The following SYNPR variants were observed in gnomAD, a reference collection of about 807,000 sequenced individuals.
The protein encoded by SYNPR is synaptoporin.
Under a neutral mutation model 32.9 loss-of-function variants are expected in SYNPR, and 23 were observed. That is an observed-to-expected ratio of 0.70 (90% CI 0.50 to 0.99). The LOEUF (loss-of-function observed/expected upper bound fraction) is 0.99, where lower values mean the gene tolerates loss of function less well. SYNPR is among the 50% of genes least tolerant of loss of function. The pLI is 0.00. For synonymous variants in SYNPR, 146 were observed against 135.9 expected (o/e 1.07, Z -0.52); for missense variants, 318 against 349.3 (o/e 0.91, Z 0.71).
intron 4 of SYNPR, among the ~76,000 whole-genome samples, chr3:63,595,751 A>T (rs1334355987): frequency 2.3e-4 from 10 of 43,386 alleles, no homozygotes; most frequent in African/African-American, 9.2e-4. Context: ...ATATATATAT[A>T]TATATATATA....
At chr3:63,473,865 A>G (rs1331928552) in intron 2 of SYNPR, among the ~76,000 whole-genome samples, 1 of 152,216 alleles carries the variant, frequency 6.6e-6, no homozygotes, top group Non-Finnish European at 1.5e-5. Context: ...TTAGGGAAAT[A>G]TGACTCCTTT....
At chr3:63,431,391 A>T (rs764030767) in intron 2 of SYNPR, among the ~76,000 whole-genome samples, 21 of 152,210 alleles carry the variant, frequency 1.4e-4, no homozygotes, top group Admixed American at 4.6e-4. Flanking sequence ...AGATCTCATT[A>T]TTTAGATTAG....
intron 2 of SYNPR, among the ~76,000 whole-genome samples, chr3:63,264,962 C>A (rs1428549373): frequency 1.3e-5 from 2 of 151,972 alleles, no homozygotes; most frequent in Non-Finnish European, 2.9e-5. Context: ...CACCTGGTCC[C>A]GCCCTTGACA....
intron 2 of SYNPR, among the ~76,000 whole-genome samples, chr3:63,297,760 T>C (rs2106937740): frequency 6.6e-6 from 1 of 152,260 alleles, no homozygotes; most frequent in South Asian, 2.1e-4. Context: ...TGGGTGCTGC[T>C]GATTGGCTGG....
intron 2 of SYNPR, among the ~76,000 whole-genome samples, chr3:63,297,963 A>G (rs1346346912): frequency 6.6e-6 from 1 of 152,138 alleles, no homozygotes; most frequent in Admixed American, 6.5e-5. Flanking sequence ...AATGGCAGGA[A>G]AGTTACAGAC....
intron 1 of SYNPR, among the ~76,000 whole-genome samples, chr3:63,229,113 C>T (rs2086149930): frequency 6.6e-6 from 1 of 152,154 alleles, no homozygotes; most frequent in Non-Finnish European, 1.5e-5. Context: ...GCATTTAAAT[C>T]CTGATATGAC....
chr3:63,555,219 G>T (rs6803000), intron 3 of SYNPR, among the ~76,000 whole-genome samples: 1 of 140,560 alleles, frequency 7.1e-6, no homozygotes, highest in Non-Finnish European at 1.6e-5. Flanking sequence ...TTGCCTGAGC[G>T]CTCTGGCTAG....
intron 2 of SYNPR, among the ~76,000 whole-genome samples, chr3:63,405,186 A>G (rs17068495): frequency 0.011 from 1,602 of 152,270 alleles, 32 homozygotes; most frequent in African/African-American, 0.036. Flanking sequence ...AGTGATGAAC[A>G]AGGTAGACTC....
chr3:63,229,709 GTAT>G (rs1287426315), intron 1 of SYNPR, among the ~76,000 whole-genome samples: 2 of 151,926 alleles, frequency 1.3e-5, no homozygotes, highest in Non-Finnish European at 2.9e-5. Flanking sequence ...ATATTTATCA[GTAT>G]TATTATTATT....
At chr3:63,200,911 G>C in the SYNPR span, among the ~76,000 whole-genome samples, 2 of 152,280 alleles carry the variant, frequency 1.3e-5, no homozygotes, top group South Asian at 4.1e-4. Context: ...TCAATGGGCT[G>C]TCTCAACAAA....
chr3:63,595,715 TTTTA>T (rs1248871963), intron 4 of SYNPR, among the ~76,000 whole-genome samples: 1 of 45,770 alleles, frequency 2.2e-5, no homozygotes, highest in African/African-American at 9.3e-5. Context: ...CTGAATCTTA[TTTTA>T]TATATATATA....
At chr3:63,325,775 C>G (rs1367930711) in intron 2 of SYNPR, among the ~76,000 whole-genome samples, 4 of 152,074 alleles carry the variant, frequency 2.6e-5, no homozygotes, top group Admixed American at 2.6e-4. Context: ...CAGCTGACAT[C>G]TGACACAGAG....
chr3:63,341,889 T>A (rs923546509), intron 2 of SYNPR, among the ~76,000 whole-genome samples: 1 of 152,190 alleles, frequency 6.6e-6, no homozygotes, highest in African/African-American at 2.4e-5. Context: ...TATTTTGTTT[T>A]GTCATGGATT....
intron 3 of SYNPR, among the ~76,000 whole-genome samples, chr3:63,501,760 A>G (rs1701486655): frequency 1.3e-5 from 2 of 152,124 alleles, no homozygotes; most frequent in Non-Finnish European, 2.9e-5. Flanking sequence ...ATTGTTATCT[A>G]TTTTTTGAAA....
intron 2 of SYNPR, among the ~76,000 whole-genome samples, chr3:63,480,338 A>C (rs2106696115): frequency 6.6e-6 from 1 of 152,330 alleles, no homozygotes; most frequent in East Asian, 1.9e-4. Flanking sequence ...CTCTTCCTCA[A>C]ACTCAGCTCT....
intron 2 of SYNPR, among the ~76,000 whole-genome samples, chr3:63,467,745 T>A (rs1465442038): frequency 6.6e-6 from 1 of 152,226 alleles, no homozygotes; most frequent in Non-Finnish European, 1.5e-5. Context: ...TTTGAAAATT[T>A]TTCAATATCA....
At chr3:63,226,281 A>C (rs1009299316), upstream of SYNPR, among the ~76,000 whole-genome samples, 1 of 152,234 alleles carries the variant, frequency 6.6e-6, no homozygotes, top group East Asian at 1.9e-4. Context: ...CCAATATGGA[A>C]AAACAGTATA....
chr3:63,262,037 AAC>A (rs1560172109), intron 2 of SYNPR, among the ~76,000 whole-genome samples: 2 of 152,132 alleles, frequency 1.3e-5, no homozygotes, highest in South Asian at 2.1e-4. Context: ...TAAAAAAAAA[AAC>A]AAACTCATGA....
chr3:63,337,679 A>G (rs920234488), intron 2 of SYNPR, among the ~76,000 whole-genome samples: 1 of 152,272 alleles, frequency 6.6e-6, no homozygotes, highest in African/African-American at 2.4e-5. Context: ...ATGTTATAGC[A>G]ATAAAAAACA....
Sources: gnomAD v4.1 joint callset for allele counts (sites outside exome capture counted in the v4.1 genomes callset) on GRCh38, gnomAD v4.1.1 for gene constraint, MANE v1.5 for transcripts, NCBI Gene and HGNC (gene_info 2026-07-23, HGNC 2026-07-21) for gene names.